Variants in PTPRT observed in about 807,000 individuals in gnomAD.
PTPRT encodes protein tyrosine phosphatase receptor type T, also known as receptor-type tyrosine-protein phosphatase T.
Under a neutral mutation model 176.8 loss-of-function variants are expected in PTPRT, and 56 were observed. The observed-to-expected ratio is 0.32, with a 90% CI of 0.26 to 0.40. The LOEUF (loss-of-function observed/expected upper bound fraction) is 0.40. PTPRT is among the 10% of genes least tolerant of loss of function. The pLI is 1.00. For synonymous variants in PTPRT, 783 were observed against 739.0 expected (o/e 1.06, Z -0.96); for missense variants, 1,540 against 1,908.2 (o/e 0.81, Z 3.60).
At chr20:42,059,851 T>C in the PTPRT span, among the ~76,000 whole-genome samples, 1 of 152,222 alleles carries the variant, frequency 6.6e-6, no homozygotes, top group Non-Finnish European at 1.5e-5. Context: ...TTATCATTAT[T>C]GTATAAGGTA....
intron 7 of PTPRT, among the ~76,000 whole-genome samples, chr20:42,660,928 T>G (rs2075212266): frequency 6.6e-6 from 1 of 152,196 alleles, no homozygotes; most frequent in African/African-American, 2.4e-5. Flanking sequence ...GTCGGCTCAC[T>G]GCAACCTCTG....
chr20:42,309,392 CATTTGGAGG>C (rs1480078259), intron 12 of PTPRT, among the ~76,000 whole-genome samples: 1 of 152,080 alleles, frequency 6.6e-6, no homozygotes, highest in African/African-American at 2.4e-5. Flanking sequence ...CCCTGGGTAC[CATTTGGAGG>C]ATTTGGAGGA....
chr20:42,539,648 A>C (rs1601224425), intron 7 of PTPRT, among the ~76,000 whole-genome samples: 1 of 151,568 alleles, frequency 6.6e-6, no homozygotes, highest in African/African-American at 2.4e-5. Flanking sequence ...TAAAAAAAAA[A>C]CCCACATGCA....
At chr20:42,633,025 CT>C (rs2074446738) in intron 7 of PTPRT, among the ~76,000 whole-genome samples, 1 of 152,154 alleles carries the variant, frequency 6.6e-6, no homozygotes, top group Admixed American at 6.5e-5. Flanking sequence ...AATAAGAGTG[CT>C]TTTTGAGAAT....
At chr20:43,117,220 G>T (rs2013094174) in intron 1 of PTPRT, among the ~76,000 whole-genome samples, 1 of 152,140 alleles carries the variant, frequency 6.6e-6, no homozygotes, top group South Asian at 2.1e-4. Context: ...AAAACATGCT[G>T]CATCTCTACT....
At chr20:42,101,003 G>A (rs894414992) in intron 26 of PTPRT, among the ~76,000 whole-genome samples, 1 of 152,208 alleles carries the variant, frequency 6.6e-6, no homozygotes, top group East Asian at 1.9e-4. Flanking sequence ...ACTTCAAGAG[G>A]ATTAGAGGTC....
intron 1 of PTPRT, among the ~76,000 whole-genome samples, chr20:43,119,642 T>C (rs533215258): frequency 6.6e-6 from 1 of 152,222 alleles, no homozygotes. Context: ...GCAAGCCCTG[T>C]TGAGTAAAAA....
rs192159035 is a variant in PTPRT, at chr20:42,641,297, C to G, written c.1153+36569G>C. 2.1e-3 allele frequency among the ~76,000 whole-genome samples: 327 copies of G among 152,214 alleles called. 1 individual carries two copies. The highest frequency in any genetic ancestry group is 3.2e-3 in the Non-Finnish European group (220 of 67,998). On this transcript the variant is annotated intron_variant, in intron 7 of 30. Coordinates refer to ENST00000373187, the MANE Select transcript of PTPRT (RefSeq NM_007050.6). ...CACTAGCGATGTGTGAGAGGCCTTCCTAAGGGTAATTGCATGAACTGATAA... is the reference window on the plus strand; with the variant it reads ...CACTAGCGATGTGTGAGAGGCCTTCGTAAGGGTAATTGCATGAACTGATAA...
At chr20:42,119,088 G>A (rs910416100) in intron 20 of PTPRT, among the ~76,000 whole-genome samples, 3 of 147,024 alleles carry the variant, frequency 2.0e-5, no homozygotes, top group Non-Finnish European at 4.5e-5. Context: ...CAATTTCCTT[G>A]GAAATTACTC....
At position 43,188,663 on chromosome 20, in the gene PTPRT, G is replaced by T. The variant is rs2015455051; in HGVS notation, c.88+983C>A. ...TCAGGCCGGCGTGGTTACACCAAAA[G>T]CAATCGGTGCTAAGAAACTTTAAGG... On this transcript the variant is annotated intron_variant, in intron 1 of 30. Transcript: ENST00000373187. 3.4e-5 allele frequency among the ~76,000 whole-genome samples: 5 copies of T among 146,300 alleles called. No individual in the cohort carries two copies. The South Asian group carries it at 1.1e-3, about 32-fold the overall frequency.
intron 20 of PTPRT, among the ~76,000 whole-genome samples, chr20:42,119,395 G>A (rs1349693100): frequency 1.3e-5 from 2 of 152,078 alleles, no homozygotes; most frequent in South Asian, 2.1e-4. Flanking sequence ...AGATAACACC[G>A]TGAATAATGT....
intron 11 of PTPRT, among the ~76,000 whole-genome samples, chr20:42,343,339 C>T (rs983131407): frequency 6.6e-6 from 1 of 152,180 alleles, no homozygotes; most frequent in Non-Finnish European, 1.5e-5. Flanking sequence ...TCCCACGAAC[C>T]AAGCCAGAAA....
chr20:43,179,183 A>C (rs537850749), intron 1 of PTPRT, among the ~76,000 whole-genome samples: 1 of 152,336 alleles, frequency 6.6e-6, no homozygotes, highest in African/African-American at 2.4e-5. Flanking sequence ...GTTACCTTGA[A>C]AAGAATATTG....
At chr20:42,501,603 T>C (rs2071751802) in intron 7 of PTPRT, among the ~76,000 whole-genome samples, 1 of 152,198 alleles carries the variant, frequency 6.6e-6, no homozygotes, top group Non-Finnish European at 1.5e-5. Context: ...TATTTGTTTA[T>C]GTATGTCTAT....
In PTPRT at chr20:42,246,775, G is replaced by T. The variant is rs117654772; in HGVS notation, c.2312+1912C>A. ...GTGGCAAAGAATAATAAAATTTCAG[G>T]TCTATCAAAGAGGTATTCAGTTCCA... On this transcript the variant is annotated intron_variant, in intron 14 of 30. Transcript: ENST00000373187. Among the ~76,000 whole-genome samples the T allele has an allele frequency of 5.8e-3, 877 of 152,244 alleles. 2 individuals are homozygous for T. The highest frequency in any genetic ancestry group is 9.8e-3 in the Non-Finnish European group (665 of 68,014).
chr20:42,442,346 A>G (rs571995652), intron 9 of PTPRT, among the ~76,000 whole-genome samples: 74 of 152,256 alleles, frequency 4.9e-4, no homozygotes, highest in African/African-American at 1.3e-3. Flanking sequence ...TGCTGAAAAA[A>G]ATATTGACAA....
chr20:43,043,641 C>T (rs1358425024), intron 1 of PTPRT, among the ~76,000 whole-genome samples: 1 of 152,140 alleles, frequency 6.6e-6, no homozygotes, highest in Non-Finnish European at 1.5e-5. Context: ...CAATCCTAAC[C>T]CGCTTCATTC....
At chr20:42,986,668 C>A (rs1234539809) in intron 1 of PTPRT, among the ~76,000 whole-genome samples, 2 of 152,198 alleles carry the variant, frequency 1.3e-5, no homozygotes, top group Non-Finnish European at 2.9e-5. Flanking sequence ...TTCTTCCATG[C>A]GTCACTCACT....
At chr20:42,051,220 A>G in the PTPRT span, among the ~76,000 whole-genome samples, 3 of 152,168 alleles carry the variant, frequency 2.0e-5, no homozygotes, top group African/African-American at 7.2e-5. Context: ...AAAGCCCTGA[A>G]AACAGCAGTG....
Sources: gnomAD v4.1 joint callset for allele counts (sites outside exome capture counted in the v4.1 genomes callset) on GRCh38, gnomAD v4.1.1 for gene constraint, MANE v1.5 for transcripts, NCBI Gene and HGNC (gene_info 2026-07-23, HGNC 2026-07-21) for gene names.